Variants in SLC26A9 observed in about 807,000 individuals in gnomAD.
SLC26A9 encodes anion transporter/exchanger protein 9.
Under a neutral mutation model 87.1 loss-of-function variants are expected in SLC26A9, and 46 were observed. The ratio of observed to expected loss-of-function variants is 0.53; its 90% CI spans 0.42 to 0.67. The LOEUF is 0.67. SLC26A9 is among the 30% of genes least tolerant of loss of function. The pLI is 0.00. For missense variants in SLC26A9, 927 were observed against 1,018.3 expected (o/e 0.91, Z 1.22); for synonymous variants, 437 against 409.1 (o/e 1.07, Z -0.82).
chr1:205,914,859 G>T lies in SLC26A9; in HGVS notation c.*498C>A. 1 of 1,578,034 alleles carries T rather than the reference G, an allele frequency of 6.3e-7. No individual in the cohort carries two copies. The highest frequency in any genetic ancestry group is 2.2e-5 in the East Asian group (1 of 44,626). On this transcript the variant is annotated 3_prime_UTR_variant, in exon 21 of 21. Coordinates refer to ENST00000367135, the MANE Select transcript of SLC26A9 (RefSeq NM_052934.4). ...CAGAGACAGAGTTGAGGCAGCTGGG[G>T]AAGGCAAGCCAGAGTCCTAACCAAG...
chr1:205,942,933 G>T (rs1004792215), intron 1 of SLC26A9, among the ~76,000 whole-genome samples: 1 of 152,238 alleles, frequency 6.6e-6, no homozygotes, highest in Non-Finnish European at 1.5e-5. Context: ...GGGGGAGACA[G>T]CCATGCAGAG....
chr1:205,937,607 C>T (rs185858471), intron 1 of SLC26A9, among the ~76,000 whole-genome samples: 9 of 152,236 alleles, frequency 5.9e-5, no homozygotes, highest in East Asian at 3.9e-4. Context: ...ATGGTAGTGG[C>T]GATGATTACT....
intron 8 of SLC26A9, 107 bp downstream of exon 8, chr1:205,928,720 G>A (rs1388122595): frequency 9.5e-7 from 1 of 1,055,862 alleles, no homozygotes; most frequent in Non-Finnish European, 1.4e-6. Context: ...GTGTCATACA[G>A]TTTCGACTGC....
chr1:205,923,328 G>C lies in SLC26A9; in HGVS notation c.1659+7C>G, dbSNP rs770119427. Reference sequence around the variant, plus strand: ...AGAGCCTCTGGTCGCCAGGGACTGAGCCTTACCTTGGCGATGACCTTTTGC... The same window carrying C: ...AGAGCCTCTGGTCGCCAGGGACTGACCCTTACCTTGGCGATGACCTTTTGC... On this transcript the variant is annotated splice_region_variant and intron_variant, in intron 15 of 20. Transcript: ENST00000367135. 6.2e-6 allele frequency: 10 copies of C among 1,614,054 alleles called. No individual in the cohort carries two copies. The highest frequency in any genetic ancestry group is 8.5e-6 in the Non-Finnish European group (10 of 1,179,942).
intron 6 of SLC26A9, 74 bp from the exon 7 acceptor site, chr1:205,929,430 C>T: frequency 6.4e-7 from 1 of 1,564,444 alleles, no homozygotes; most frequent in Non-Finnish European, 8.7e-7. Context: ...GGTGTCTGAC[C>T]CAGGGAAGGG....
At chr1:205,919,073 G>C in intron 18 of SLC26A9, 88 bp from the exon 19 acceptor site, 1 of 1,534,842 alleles carries the variant, frequency 6.5e-7, no homozygotes, top group East Asian at 2.3e-5. Flanking sequence ...CCAGAGCAGG[G>C]ATGGGAGAGG....
rs566271291 is a variant in SLC26A9 at position 205,923,128 on chromosome 1, C to G, written c.1727G>C (p.Arg576Thr). The change falls in exon 16 of 21, where the codon AGA becomes ACA. Residue 576 changes from arginine (R) to threonine (T), a missense_variant. Physicochemically the swap from Arg to Thr is moderately conservative, Grantham distance 71 (BLOSUM62 -1). Coordinates refer to ENST00000367135, the MANE Select transcript of SLC26A9 (RefSeq NM_052934.4). ...CCTCCTCTGTTGTGTGGGCCTCATT[C>G]TCCGCTTCTCCTGCTTCTTGAGGTA... ...QKYLKKQEKR[R>T]MRPTQQRRSL... 6.2e-7 allele frequency: 1 copy of G among 1,614,026 alleles called. No individual in the cohort carries two copies.
chr1:205,943,195 G>A (rs1030753686), intron 1 of SLC26A9, among the ~76,000 whole-genome samples, 170 bp downstream of exon 1: 1 of 152,152 alleles, frequency 6.6e-6, no homozygotes, highest in Non-Finnish European at 1.5e-5. Flanking sequence ...CTCCTCAGAG[G>A]GGAAGGGCTG....
chr1:205,917,344 T>A lies in SLC26A9; in HGVS notation c.2267A>T (p.Asp756Val), dbSNP rs768545025. The stretch of plus-strand genomic sequence containing the variant: ...TGAGTCGTACAAGGAGAGCTCAGCA[T>A]CCCCTGGAGCCTGGAAGGGAGGAAG... ...PGHNFQGAPG[D>V]AELSLYDSEE... is the part of the protein sequence containing the mutation. Residue 756 changes from aspartate (D) to valine (V), a missense_variant, in exon 20 of 21, where the codon GAT becomes GTT. By Grantham distance (152) the Asp-to-Val change is radical (BLOSUM62 -3). Coordinates refer to ENST00000367135, the MANE Select transcript of SLC26A9 (RefSeq NM_052934.4). 3.7e-6 allele frequency: 6 copies of A among 1,613,800 alleles called. No individual in the cohort carries two copies. The East Asian group carries it at 6.7e-5, about 18-fold the overall frequency.
In SLC26A9 at chr1:205,914,790, A is replaced by C. The variant is rs1041682638; in HGVS notation, c.*567T>G. On this transcript the variant is annotated 3_prime_UTR_variant, in exon 21 of 21. Coordinates refer to ENST00000367135, the MANE Select transcript of SLC26A9 (RefSeq NM_052934.4). ...GGGGCGCATAGTTACCAAGGCCTAG[A>C]CTCCTGGGTGTGGAGAGCACATGGT... is the stretch of plus-strand genomic sequence containing the variant. 4 of 1,438,128 alleles carry C rather than the reference A, an allele frequency of 2.8e-6. No individual in the cohort carries two copies. The African/African-American group carries it at 5.7e-5, about 21-fold the overall frequency. The allele number at this position is 1,438,128 out of a possible 1,614,324, so 89.1% of individuals were successfully genotyped here.
In SLC26A9 at chr1:205,931,965, CT is replaced by C. The variant is rs1486689295; in HGVS notation, c.446del (p.Gln149ArgfsTer28). ...TCTCATTGGTGGCATTGTTGAAGAC[CT>C]GGAATTTCGACTCTGGGGCCAGCTG... ...CLQLAPESKF[Q>X]VFNNATNESY... On this transcript the variant is annotated frameshift_variant, in exon 5 of 21. Coordinates refer to ENST00000367135, the MANE Select transcript of SLC26A9 (RefSeq NM_052934.4). LOFTEE classifies it high-confidence loss of function. The C allele has an allele frequency of 6.2e-7, 1 of 1,614,206 alleles. No individual in the cohort carries two copies.
At chr1:205,937,937 G>C (rs1314342848) in intron 1 of SLC26A9, among the ~76,000 whole-genome samples, 3 of 151,936 alleles carry the variant, frequency 2.0e-5, no homozygotes, top group South Asian at 2.1e-4. Context: ...AGTCAGAAAA[G>C]AAGAGCCCTT....
chr1:205,932,816 C>T lies in SLC26A9; in HGVS notation c.266-4G>A. On this transcript the variant is annotated splice_region_variant and splice_polypyrimidine_tract_variant and intron_variant, in intron 3 of 20. Coordinates refer to ENST00000367135, the MANE Select transcript of SLC26A9 (RefSeq NM_052934.4). Reference sequence around the variant, plus strand: ...GCCAGCAGAGCAAATGCCATGCCTGCAGAGGACAACGAGACTGAAGCTCAG... The same window carrying T: ...GCCAGCAGAGCAAATGCCATGCCTGTAGAGGACAACGAGACTGAAGCTCAG... 1 of 1,592,270 alleles carries T rather than the reference C, an allele frequency of 6.3e-7. No individual in the cohort carries two copies. The highest frequency in any genetic ancestry group is 1.2e-5 in the South Asian group (1 of 86,388).
rs183817616 is a variant in SLC26A9, at chr1:205,934,926, T to G, written c.125+770A>C. On this transcript the variant is annotated intron_variant, in intron 2 of 20. Transcript: ENST00000367135. ...AACCAGTTCCACCTGCGTCTCCACT[T>G]CAGCCATTGCCAGTGACCTCAATCC... is the stretch of plus-strand genomic sequence containing the variant. 6.2e-4 allele frequency among the ~76,000 whole-genome samples: 94 copies of G among 152,302 alleles called. 2 individuals are homozygous for G. In the East Asian group the frequency reaches 0.017, roughly 28 times the overall value.
chr1:205,924,574 T>G, intron 12 of SLC26A9, 85 bp from the exon 13 acceptor site: 1 of 1,163,326 alleles, frequency 8.6e-7, no homozygotes, highest in Non-Finnish European at 1.3e-6. Context: ...AAGGCCATTC[T>G]CTGTTAGTAC....
chr1:205,928,847 G>C lies in SLC26A9; in HGVS notation c.933C>G (p.Ile311Met). 1 of 1,614,142 alleles carries C rather than the reference G, an allele frequency of 6.2e-7. No individual in the cohort carries two copies. The highest frequency in any genetic ancestry group is 8.5e-7 in the Non-Finnish European group (1 of 1,180,028). The change falls in exon 8 of 21, where the codon ATC becomes ATG. Residue 311 changes from isoleucine (I) to methionine (M), a missense_variant. Physicochemically the swap from Ile to Met is conservative, Grantham distance 10 (BLOSUM62 1). Coordinates refer to ENST00000367135, the MANE Select transcript of SLC26A9 (RefSeq NM_052934.4). ...CKMPKKYHMQ[I>M]VGEIQRGFPT... Reference sequence around the variant, plus strand: ...CTCACCCGCGTTGGATTTCTCCCACGATCTGCATGTGATACTTTTTGGGCA... The same window carrying C: ...CTCACCCGCGTTGGATTTCTCCCACCATCTGCATGTGATACTTTTTGGGCA...
At chr1:205,923,013 G>A in intron 16 of SLC26A9, 69 bp downstream of exon 16, 1 of 1,469,202 alleles carries the variant, frequency 6.8e-7, no homozygotes, top group Non-Finnish European at 9.5e-7. Context: ...AGGGTACCAT[G>A]AGTAACAGGG....
At chr1:205,942,242 G>T (rs1347467876) in intron 1 of SLC26A9, among the ~76,000 whole-genome samples, 5 of 152,258 alleles carry the variant, frequency 3.3e-5, no homozygotes, top group Non-Finnish European at 5.9e-5. Context: ...GCTCTGGGAA[G>T]TGCCTGGGAA....
chr1:205,932,794 A>G lies in SLC26A9; in HGVS notation c.284T>C (p.Leu95Pro). ...GCCATTGACTGCAGGAAGGTTGGCC[A>G]GCAGAGCAAATGCCATGCCTGCAGA... ...QVPQGMAFALLANLPAVNGLY... is the reference protein window; with the variant it reads ...QVPQGMAFALPANLPAVNGLY... Residue 95 changes from leucine to proline, a missense_variant, in exon 4 of 21, where the codon CTG (leucine) becomes CCG (proline). Physicochemically the swap from Leu to Pro is moderately conservative, Grantham distance 98 (BLOSUM62 -3). Coordinates refer to ENST00000367135, the MANE Select transcript of SLC26A9 (RefSeq NM_052934.4). 1 of 1,597,820 alleles carries G rather than the reference A, an allele frequency of 6.3e-7. No individual in the cohort carries two copies. Among genetic ancestry groups the G allele is most frequent in the Non-Finnish European group, 8.5e-7 (1 of 1,172,358 alleles).
Sources: gnomAD v4.1 joint callset for allele counts (sites outside exome capture counted in the v4.1 genomes callset) on GRCh38, gnomAD v4.1.1 for gene constraint, MANE v1.5 for transcripts, NCBI Gene and HGNC (gene_info 2026-07-23, HGNC 2026-07-21) for gene names.